Variants in TMEM183A observed in about 807,000 individuals in gnomAD.
TMEM183A encodes the protein chromosome 1 open reading frame 37.
A neutral mutation model predicts 46.7 loss-of-function variants in TMEM183A; 21 were observed. The observed-to-expected ratio is 0.45, with a 90% CI of 0.32 to 0.65. TMEM183A has a LOEUF of 0.65. Ranked by LOEUF, TMEM183A falls within the 30% of genes least tolerant of loss-of-function variation. The probability of loss-of-function intolerance (pLI) is 0.04; values close to 1 mark genes in which losing one functional copy is unlikely to be tolerated. For synonymous variants in TMEM183A, 165 were observed against 180.2 expected, an observed-to-expected ratio of 0.92 and a Z score of 0.68; for missense variants, 331 against 481.9, an observed-to-expected ratio of 0.69 and a Z score of 2.93.
rs1468336049 is a variant in TMEM183A at position 203,024,342 on chromosome 1, C to G, written c.*1302C>G. The G allele has an allele frequency of 6.6e-6, 1 of 152,188 alleles. No individual in the cohort carries two copies. Among genetic ancestry groups the G allele is most frequent in the African/African-American group, 2.4e-5 (1 of 41,442 alleles). The allele number at this position is 152,188 out of a possible 1,614,324, so 9.4% of individuals were successfully genotyped here. On this transcript the variant is annotated 3_prime_UTR_variant, in exon 8 of 8. Transcript: ENST00000367242. The stretch of plus-strand genomic sequence containing the variant: ...CTGTTTTGCTAAGGAGAAAACCTTG[C>G]TGCTTGTCTCTCCTCCCACCCTCCA...
chr1:203,012,576 G>A (rs963105210), intron 3 of TMEM183A, among the ~76,000 whole-genome samples: 3 of 151,792 alleles, frequency 2.0e-5, no homozygotes, highest in Non-Finnish European at 4.4e-5. Context: ...TATTTCCTTC[G>A]TTTTGAAAGC....
chr1:203,020,011 G>A (rs113690864), intron 6 of TMEM183A, among the ~76,000 whole-genome samples: 2 of 150,544 alleles, frequency 1.3e-5, no homozygotes, highest in Non-Finnish European at 2.9e-5. Flanking sequence ...GGGGTGGGGT[G>A]GGGGGTGCGG....
chr1:203,017,851 A>C (rs1263188605), intron 5 of TMEM183A: 4 of 985,874 alleles, frequency 4.1e-6, no homozygotes, highest in Non-Finnish European at 4.8e-6. Flanking sequence ...GAACAGCAGG[A>C]CGTACAGGGC....
intron 2 of TMEM183A, 74 bp from the exon 3 acceptor site, chr1:203,008,569 G>A: frequency 7.8e-7 from 1 of 1,275,040 alleles, no homozygotes; most frequent in Non-Finnish European, 1.0e-6. Context: ...AATGGATGCT[G>A]ATACCTTGGC....
intron 6 of TMEM183A, among the ~76,000 whole-genome samples, chr1:203,018,779 C>G (rs1047440329): frequency 6.6e-6 from 1 of 152,150 alleles, no homozygotes; most frequent in Non-Finnish European, 1.5e-5. Context: ...CCTTTGCTTC[C>G]AAGATGGTGT....
intron 2 of TMEM183A, 144 bp downstream of exon 2, chr1:203,008,007 A>G: frequency 1.0e-6 from 1 of 991,586 alleles, no homozygotes; most frequent in Non-Finnish European, 1.4e-6. Context: ...GGGGTGGAGG[A>G]GGATTAGTCA....
At position 203,020,847 on chromosome 1, in the gene TMEM183A, G is replaced by A. The variant is rs1209428941; in HGVS notation, c.844G>A (p.Glu282Lys). ...AGGATTGCAGCCTCCCGTTCAGTAC[G>A]AAGATGTTCATACCAATCCAGACCA... Reference protein sequence around the residue: ...TGGLQPPVQYEDVHTNPDQDC... With the variant: ...TGGLQPPVQYKDVHTNPDQDC... Residue 282 changes from glutamate to lysine, a missense_variant, in exon 7 of 8, where the codon GAA (glutamate) becomes AAA (lysine). Coordinates refer to ENST00000367242, the MANE Select transcript of TMEM183A (RefSeq NM_138391.6). 1.9e-6 allele frequency: 3 copies of A among 1,613,996 alleles called. No individual in the cohort carries two copies. The highest frequency in any genetic ancestry group is 1.3e-5 in the African/African-American group (1 of 74,992).
intron 5 of TMEM183A, chr1:203,017,820 C>T: frequency 1.0e-6 from 1 of 985,902 alleles, no homozygotes; most frequent in Non-Finnish European, 1.2e-6. Context: ...CCCCTTAAAG[C>T]CAAGCCCATT....
At chr1:203,021,037 T>C in intron 7 of TMEM183A, 89 bp downstream of exon 7, 1 of 1,418,296 alleles carries the variant, frequency 7.1e-7, no homozygotes, top group East Asian at 2.4e-5. Flanking sequence ...CTTTTTTTTT[T>C]TTTTTTTTTT....
chr1:203,021,737 A>G (rs1178742880), intron 7 of TMEM183A, among the ~76,000 whole-genome samples: 2 of 152,208 alleles, frequency 1.3e-5, no homozygotes, highest in East Asian at 1.9e-4. Context: ...TAAACAACGT[A>G]TGTGCCTCTG....
At position 203,023,292 on chromosome 1, in the gene TMEM183A, T is replaced by C. The variant is rs1657894795; in HGVS notation, c.*252T>C. ...CTGTTTTCTGTGTTAAAACCCCATT[T>C]GGTGCTATTGAGTTTGTTCTTTATT... On this transcript the variant is annotated 3_prime_UTR_variant, in exon 8 of 8. Transcript: ENST00000367242. The C allele has an allele frequency of 6.9e-6, 2 of 290,874 alleles. No individual in the cohort carries two copies. Among genetic ancestry groups the C allele is most frequent in the Non-Finnish European group, 1.3e-5 (2 of 155,370 alleles). The allele number at this position is 290,874 out of a possible 1,614,324, so 18.0% of individuals were successfully genotyped here.
At chr1:203,016,587 A>C (rs1657190919) in intron 5 of TMEM183A, among the ~76,000 whole-genome samples, 1 of 151,916 alleles carries the variant, frequency 6.6e-6, no homozygotes, top group Non-Finnish European at 1.5e-5. Context: ...TTTATTGTTG[A>C]CCTCCTTAAG....
At position 203,007,470 on chromosome 1, in the gene TMEM183A, C is replaced by G. The variant is rs369780991; in HGVS notation, c.5C>G (p.Ala2Gly). 7.4e-4 allele frequency: 1,079 copies of G among 1,455,326 alleles called. 3 individuals are homozygous for G. The highest frequency in any genetic ancestry group is 9.5e-4 in the Non-Finnish European group (1,047 of 1,100,328). 90.2% of individuals were successfully genotyped at this position (1,455,326 alleles called of 1,614,324 possible). Residue 2 changes from alanine (A) to glycine (G), a missense_variant, in exon 1 of 8, where the codon GCC becomes GGC. This residue lies in a region of TMEM183A where 98 missense variants were observed against 96.1 expected (regional missense o/e 1.02). Coordinates refer to ENST00000367242, the MANE Select transcript of TMEM183A (RefSeq NM_138391.6). Reference sequence around the variant, plus strand: ...GCCGGCTCTCCGGCCGGAGACATGGCCCGGGGGCCCGGCCCGCTAGGCAGG... The same window carrying G: ...GCCGGCTCTCCGGCCGGAGACATGGGCCGGGGGCCCGGCCCGCTAGGCAGG... The part of the protein sequence containing the change: M[A>G]RGPGPLGRPR...
chr1:203,010,550 A>G (rs1242022797), intron 3 of TMEM183A, among the ~76,000 whole-genome samples: 1 of 152,212 alleles, frequency 6.6e-6, no homozygotes, highest in Non-Finnish European at 1.5e-5. Flanking sequence ...GGTCCTGAGC[A>G]TTTCTGATAA....
chr1:203,023,123 G>T lies in TMEM183A; in HGVS notation c.*83G>T. ...CCAGTTTGGACAGGGTGGCTGGATT[G>T]TATATCTCGTTAGTAATGTACATGC... On this transcript the variant is annotated 3_prime_UTR_variant, in exon 8 of 8. Coordinates refer to ENST00000367242, the MANE Select transcript of TMEM183A (RefSeq NM_138391.6). 5.4e-6 allele frequency: 4 copies of T among 741,692 alleles called. No homozygotes were observed. Among genetic ancestry groups the T allele is most frequent in the Non-Finnish European group, 8.6e-6 (4 of 464,998 alleles). The allele number at this position is 741,692 out of a possible 1,614,324, so 45.9% of individuals were successfully genotyped here. A position where few individuals can be genotyped will look rare whatever the true frequency, so the allele number is the denominator to read the frequency against.
rs397747911 is a variant in TMEM183A, at chr1:203,008,545, T to TC, written c.200-92dup. On this transcript the variant is annotated intron_variant, in intron 2 of 7. Coordinates refer to ENST00000367242, the MANE Select transcript of TMEM183A (RefSeq NM_138391.6). Reference sequence around the variant, plus strand: ...CTTTCTCTCTCAACGATGTTTTTTTTCCCCCCTTTCCTGAATGGATGCTGA... The same window carrying TC: ...CTTTCTCTCTCAACGATGTTTTTTTTCCCCCCCTTTCCTGAATGGATGCTGA... 344 of 1,097,562 alleles carry TC rather than the reference T, an allele frequency of 3.1e-4. No homozygotes were observed. The African/African-American group carries it at 3.7e-3, about 12-fold the overall frequency. The allele number at this position is 1,097,562 out of a possible 1,614,324, so 68.0% of individuals were successfully genotyped here.
rs1035175922 is a variant in TMEM183A, at chr1:203,015,830, G to A, written c.528-130G>A. Reference sequence around the variant, plus strand: ...AGTCGCCAAGAGGTCAAGTAGCACTGGGGACAGGCTATCTACTGGCCAGTG... The same window carrying A: ...AGTCGCCAAGAGGTCAAGTAGCACTAGGGACAGGCTATCTACTGGCCAGTG... On this transcript the variant is annotated intron_variant, in intron 4 of 7. Transcript: ENST00000367242. The A allele has an allele frequency of 6.8e-6, 8 of 1,178,498 alleles. No homozygotes were observed. The African/African-American group carries it at 1.1e-4, about 16-fold the overall frequency. The allele number at this position is 1,178,498 out of a possible 1,614,324, so 73.0% of individuals were successfully genotyped here.
chr1:203,023,098 C>G lies in TMEM183A; in HGVS notation c.*58C>G, dbSNP rs1657874807. On this transcript the variant is annotated 3_prime_UTR_variant, in exon 8 of 8. Transcript: ENST00000367242. Reference sequence around the variant, plus strand: ...AGTGTAGTCCATTAGTAATCAGATTCCAGTTTGGACAGGGTGGCTGGATTG... The same window carrying G: ...AGTGTAGTCCATTAGTAATCAGATTGCAGTTTGGACAGGGTGGCTGGATTG... 4 of 997,498 alleles carry G rather than the reference C, an allele frequency of 4.0e-6. No homozygotes were observed. The highest frequency in any genetic ancestry group is 5.8e-6 in the Non-Finnish European group (4 of 684,180). 61.8% of individuals were successfully genotyped at this position (997,498 alleles called of 1,614,324 possible).
chr1:203,015,969 G>A lies in TMEM183A; in HGVS notation c.537G>A (p.Thr179=), dbSNP rs777407353. The A allele has an allele frequency of 7.4e-6, 12 of 1,613,758 alleles. No individual in the cohort carries two copies. In the South Asian group the frequency reaches 1.1e-4, roughly 15 times the overall value. The part of the protein sequence containing the change: ...FWTRLYRRHY[T]LDASLPLRLR... Reference sequence around the variant, plus strand: ...ATGTGTCATGTTTCAGGCACTACACGCTGGATGCTTCCCTGCCTTTGCGTC... The same window carrying A: ...ATGTGTCATGTTTCAGGCACTACACACTGGATGCTTCCCTGCCTTTGCGTC... Residue 179 remains threonine (T), a synonymous_variant, in exon 5 of 8, where the codon ACG becomes ACA. Coordinates refer to ENST00000367242, the MANE Select transcript of TMEM183A (RefSeq NM_138391.6).
Sources: allele counts gnomAD v4.1 joint callset (sites outside exome capture counted in the v4.1 genomes callset), GRCh38; gene constraint gnomAD v4.1.1; regional missense constraint gnomAD v4.1.1; transcripts MANE v1.5; gene names NCBI Gene and HGNC (gene_info 2026-07-23, HGNC 2026-07-21).